Variants in C16orf96 observed in about 807,000 individuals in gnomAD.
C16orf96 encodes chromosome 16 open reading frame 96, also known as uncharacterized protein C16orf96.
A neutral mutation model predicts 103.6 loss-of-function variants in C16orf96; 108 were observed. The ratio of observed to expected loss-of-function variants is 1.04; its 90% CI spans 0.89 to 1.22. C16orf96 has a LOEUF of 1.22. C16orf96 is among the 50% of genes most tolerant of loss of function. The pLI is 0.00. For missense variants in C16orf96, 1,586 were observed against 1,464.2 expected, an observed-to-expected ratio of 1.08 and a Z score of -1.36; for synonymous variants, 566 against 593.5, an observed-to-expected ratio of 0.95 and a Z score of 0.67.
chr16:4,599,261 T>C, intron 14 of C16orf96, 23 bp from the exon 15 acceptor site: 1 of 1,549,070 alleles, frequency 6.5e-7, no homozygotes, highest in South Asian at 1.2e-5. Flanking sequence ...CACCCACACC[T>C]GTCTCTTTTC....
intron 7 of C16orf96, among the ~76,000 whole-genome samples, chr16:4,582,702 C>G (rs564572809): frequency 6.6e-6 from 1 of 152,272 alleles, no homozygotes; most frequent in East Asian, 1.9e-4. Flanking sequence ...CTGGGGTCAT[C>G]TTGGTGCCCT....
intron 9 of C16orf96, among the ~76,000 whole-genome samples, chr16:4,589,812 A>G (rs1197699336): frequency 6.6e-6 from 1 of 152,052 alleles, no homozygotes; most frequent in Admixed American, 6.6e-5. Context: ...AAATGTCACC[A>G]TTTCTGTAAC....
chr16:4,562,413 G>C (rs1289247866), intron 1 of C16orf96, among the ~76,000 whole-genome samples: 1 of 150,522 alleles, frequency 6.6e-6, no homozygotes, highest in Non-Finnish European at 1.5e-5. Flanking sequence ...CGAGGCTGCA[G>C]TGAGCTATTA....
the C16orf96 span, among the ~76,000 whole-genome samples, chr16:4,539,084 G>GAT: frequency 6.6e-6 from 1 of 152,292 alleles, no homozygotes; most frequent in East Asian, 1.9e-4. Context: ...AGTTTGGGAG[G>GAT]TGCATTACAT....
Position 4,571,677 on chromosome 16 carries a change from C to G in C16orf96, c.525+12C>G, listed in dbSNP as rs554999273. 2 of 1,548,486 alleles carry G rather than the reference C, an allele frequency of 1.3e-6. No individual in the cohort carries two copies. Among genetic ancestry groups the G allele is most frequent in the African/African-American group, 1.4e-5 (1 of 73,058 alleles). ...ACATGCTTGACAAGGTAGGCCCTCC[C>G]CCAGCATCCTCCATGCCAGCTGCGT... On this transcript the variant is annotated intron_variant, in intron 2 of 15. Transcript: ENST00000444310.
At chr16:4,573,016 G>C (rs1213385929) in intron 2 of C16orf96, among the ~76,000 whole-genome samples, 2 of 152,148 alleles carry the variant, frequency 1.3e-5, no homozygotes, top group African/African-American at 4.8e-5. Flanking sequence ...GCCTGTATTT[G>C]ATCATCATGG....
chr16:4,557,003 T>C, intron 1 of C16orf96, 94 bp downstream of exon 1: 1 of 1,352,170 alleles, frequency 7.4e-7, no homozygotes, highest in Middle Eastern at 1.9e-4. Flanking sequence ...TCCGTCTCGC[T>C]CTGTCACCCA....
At position 4,556,439 on chromosome 16, in the gene C16orf96, T is replaced by G; in HGVS notation, c.-51T>G. ...TCTCGGAACCACTGAAAGCTACCCC[T>G]TGTCCTTGAGGACACCTGGAACCCC... On this transcript the variant is annotated 5_prime_UTR_variant, in exon 1 of 16. Coordinates refer to ENST00000444310, the MANE Select transcript of C16orf96 (RefSeq NM_001145011.2). 1 of 1,471,494 alleles carries G rather than the reference T, an allele frequency of 6.8e-7. No homozygotes were observed. The highest frequency in any genetic ancestry group is 1.4e-5 in the South Asian group (1 of 73,536). The allele number at this position is 1,471,494 out of a possible 1,614,324, so 91.2% of individuals were successfully genotyped here. A position where few individuals can be genotyped will look rare whatever the true frequency, so the allele number is the denominator to read the frequency against.
chr16:4,556,592 G>T lies in C16orf96; in HGVS notation c.103G>T (p.Glu35Ter), dbSNP rs2059264835. ...ALHLLLHGIL[E>*]HIHMAELKKV... ...GCACCTCCTGCTGCACGGCATCTTG[G>T]AGCACATCCACATGGCCGAGCTCAA... Residue 35 changes from glutamate to a stop codon, truncating the protein, a stop_gained, in exon 1 of 16, where the codon GAG becomes TAG. Transcript: ENST00000444310. LOFTEE classifies it high-confidence loss of function. 6.4e-7 allele frequency: 1 copy of T among 1,551,712 alleles called. No individual in the cohort carries two copies. Among genetic ancestry groups the T allele is most frequent in the Non-Finnish European group, 8.7e-7 (1 of 1,147,026 alleles).
At chr16:4,547,762 CCTCT>C in the C16orf96 span, among the ~76,000 whole-genome samples, 39 of 142,006 alleles carry the variant, frequency 2.7e-4, no homozygotes, top group East Asian at 3.7e-3. Context: ...TTCCTCCCTC[CCTCT>C]CTCTCTCTCT....
chr16:4,566,126 G>A (rs760080022), intron 1 of C16orf96, among the ~76,000 whole-genome samples: 3 of 152,204 alleles, frequency 2.0e-5, no homozygotes, highest in African/African-American at 4.8e-5. Context: ...GATTACAGAC[G>A]TGAGCTACCA....
chr16:4,545,751 A>G, the C16orf96 span, among the ~76,000 whole-genome samples: 1 of 152,098 alleles, frequency 6.6e-6, no homozygotes, highest in African/African-American at 2.4e-5. Flanking sequence ...AGTTGAGCCT[A>G]TTTCTGTACT....
At chr16:4,562,720 G>C (rs894855204) in intron 1 of C16orf96, 9 of 549,696 alleles carry the variant, frequency 1.6e-5, no homozygotes, top group Non-Finnish European at 2.8e-5. Context: ...ACATATAATA[G>C]CTTGGAGAAC....
At chr16:4,567,200 T>C (rs1433758259) in intron 1 of C16orf96, among the ~76,000 whole-genome samples, 1 of 152,108 alleles carries the variant, frequency 6.6e-6, no homozygotes, top group African/African-American at 2.4e-5. Context: ...TCTGGTGTGT[T>C]GTGCTTTCAT....
chr16:4,600,269 T>C lies in C16orf96; in HGVS notation c.3378T>C (p.Ile1126=), dbSNP rs1269235740. The C allele has an allele frequency of 6.4e-7, 1 of 1,551,232 alleles. No homozygotes were observed. The highest frequency in any genetic ancestry group is 2.0e-5 in the Admixed American group (1 of 50,984). The change falls in exon 16 of 16, where the codon ATT becomes ATC. Residue 1126 remains isoleucine (I), a synonymous_variant. Transcript: ENST00000444310. ...GSTRLSRAPH[I]ESRVGRKPPE... ...CCAGGCTCTCAAGAGCTCCACACAT[T>C]GAGTCCCGAGTCGGCAGGAAGCCCC...
At chr16:4,590,029 G>A (rs1456205035) in intron 9 of C16orf96, among the ~76,000 whole-genome samples, 1 of 152,034 alleles carries the variant, frequency 6.6e-6, no homozygotes, top group African/African-American at 2.4e-5. Context: ...GGGAGGCTGA[G>A]GCAGGAGAAT....
rs2059565993 is a variant in C16orf96, at chr16:4,580,123, A to C, written c.2350A>C (p.Lys784Gln). ...ENLQIRMDEF[K>Q]TLQAQIKRLE... The stretch of plus-strand genomic sequence containing the variant: ...CCTGCAGATTCGCATGGATGAGTTC[A>C]AGGTTAGGAGGACTGGGTAGGCTGG... Residue 784 changes from lysine to glutamine, a missense_variant and splice_region_variant, in exon 7 of 16, where the codon AAG (lysine) becomes CAG (glutamine). Lys to Gln is a moderately conservative substitution (Grantham distance 53). Coordinates refer to ENST00000444310, the MANE Select transcript of C16orf96 (RefSeq NM_001145011.2). The C allele has an allele frequency of 6.6e-7, 1 of 1,524,738 alleles. No individual in the cohort carries two copies. Among genetic ancestry groups the C allele is most frequent in the African/African-American group, 1.4e-5 (1 of 72,020 alleles). 94.5% of individuals were successfully genotyped at this position (1,524,738 alleles called of 1,614,324 possible).
chr16:4,550,388 A>G, the C16orf96 span, among the ~76,000 whole-genome samples: 1 of 152,108 alleles, frequency 6.6e-6, no homozygotes. Flanking sequence ...AAAACCCCAG[A>G]GCATTTTGAA....
intron 1 of C16orf96, among the ~76,000 whole-genome samples, chr16:4,565,694 G>A (rs952012484): frequency 2.0e-5 from 3 of 152,176 alleles, no homozygotes; most frequent in Admixed American, 2.0e-4. Context: ...TTACCATGTT[G>A]GCCAGGCTGA....
Sources: gnomAD v4.1 joint callset for allele counts (sites outside exome capture counted in the v4.1 genomes callset) on GRCh38, gnomAD v4.1.1 for gene constraint, MANE v1.5 for transcripts, NCBI Gene and HGNC (gene_info 2026-07-23, HGNC 2026-07-21) for gene names.